The following CD46 variants were observed in gnomAD, a reference collection of about 807,000 sequenced individuals.
CD46 encodes membrane cofactor protein.
Under a neutral mutation model 53.3 loss-of-function variants are expected in CD46, and 30 were observed. The ratio of observed to expected loss-of-function variants is 0.56; its 90% CI spans 0.42 to 0.76. The LOEUF (loss-of-function observed/expected upper bound fraction) is 0.76, where lower values mean the gene tolerates loss of function less well. Ranked by LOEUF, CD46 falls within the 30% of genes least tolerant of loss-of-function variation. CD46 has a pLI of 0.00. For synonymous variants in CD46, 142 were observed against 152.0 expected (o/e 0.93, Z 0.48); for missense variants, 409 against 463.0 (o/e 0.88, Z 1.07).
chr1:207,792,250 G>C (rs1344797648), intron 12 of CD46, among the ~76,000 whole-genome samples: 1 of 152,074 alleles, frequency 6.6e-6, no homozygotes, highest in East Asian at 1.9e-4. Context: ...CTGCACTCCA[G>C]CCTGGGTGAC....
chr1:207,763,993 A>C (rs1377233638), intron 5 of CD46, among the ~76,000 whole-genome samples: 1 of 147,326 alleles, frequency 6.8e-6, no homozygotes, highest in South Asian at 2.1e-4. Context: ...CATTTGTGCC[A>C]TGTCTTCCTA....
intron 8 of CD46, among the ~76,000 whole-genome samples, chr1:207,780,883 C>G (rs958253552): frequency 2.0e-5 from 3 of 151,758 alleles, no homozygotes; most frequent in Non-Finnish European, 4.4e-5. Context: ...TGTGAGGGCC[C>G]TCTTGCTTTG....
At chr1:207,784,497 G>C (rs1349426169) in intron 9 of CD46, among the ~76,000 whole-genome samples, 1 of 152,202 alleles carries the variant, frequency 6.6e-6, no homozygotes, top group East Asian at 1.9e-4. Flanking sequence ...CCCATTAAGA[G>C]TTTCACAAGT....
intron 11 of CD46, 173 bp downstream of exon 11, chr1:207,785,855 A>G: frequency 1.7e-6 from 1 of 581,298 alleles, no homozygotes; most frequent in Non-Finnish European, 3.1e-6. Context: ...ATTTTCAGCT[A>G]CTTCTAACAT....
At chr1:207,793,182 T>TTC in intron 12 of CD46, among the ~76,000 whole-genome samples, 1 of 152,206 alleles carries the variant, frequency 6.6e-6, no homozygotes, top group Admixed American at 6.5e-5. Context: ...GCTACAGCTT[T>TTC]AAAATGGAGG....
intron 8 of CD46, 47 bp downstream of exon 8, chr1:207,770,409 T>C: frequency 7.8e-7 from 1 of 1,289,324 alleles, no homozygotes; most frequent in Non-Finnish European, 1.1e-6. Context: ...ATTTATTTAT[T>C]TATTTTTATT....
At chr1:207,775,637 G>C (rs1247997680) in intron 8 of CD46, among the ~76,000 whole-genome samples, 1 of 152,162 alleles carries the variant, frequency 6.6e-6, no homozygotes, top group African/African-American at 2.4e-5. Context: ...AGGTGTGTTG[G>C]AGTTTGCTGG....
intron 12 of CD46, among the ~76,000 whole-genome samples, chr1:207,792,566 C>T (rs1165501933): frequency 6.6e-6 from 1 of 152,104 alleles, no homozygotes; most frequent in Non-Finnish European, 1.5e-5. Context: ...TAATGGAACA[C>T]TAGGCATAAA....
At chr1:207,760,504 G>A (rs1014951078) in intron 4 of CD46, 5 of 152,188 alleles carry the variant, frequency 3.3e-5, no homozygotes, top group Non-Finnish European at 5.9e-5. Context: ...AACTAGCACC[G>A]AGTTAAGCAT....
At chr1:207,762,875 T>C (rs1656388264) in intron 5 of CD46, 1 of 152,578 alleles carries the variant, frequency 6.6e-6, no homozygotes, top group Non-Finnish European at 1.5e-5. Flanking sequence ...GGGTGTGCCA[T>C]GCCCCCCGCT....
At position 207,759,736 on chromosome 1, in the gene CD46, CTTT is replaced by C; in HGVS notation, c.475+19_475+21del. On this transcript the variant is annotated intron_variant, in intron 4 of 12. Transcript: ENST00000367042. ...CCCAATATGTGAAAGTAAGTAAATT[CTTT>C]TTTTTTAAATTTAGACCAGTAGTCC... The C allele has an allele frequency of 1.3e-6, 2 of 1,545,086 alleles. No individual in the cohort carries two copies. The highest frequency in any genetic ancestry group is 1.4e-5 in the African/African-American group (1 of 73,368).
At position 207,752,090 on chromosome 1, in the gene CD46, G is replaced by T. The variant is rs1654960206; in HGVS notation, c.-123G>T. On this transcript the variant is annotated 5_prime_UTR_variant, in exon 1 of 13. Coordinates refer to ENST00000367042, the MANE Select transcript of CD46 (RefSeq NM_172351.3). This position sits in a 1 kb window ranked among gnomAD's most constrained non-coding sequence, Gnocchi z 4.1. ...CACGCCCACCTGTCCTGCAGCACTG[G>T]ATGCTTTGTGAGTTGGGGATTGTTG... is the stretch of plus-strand genomic sequence containing the variant. 2 of 968,832 alleles carry T rather than the reference G, an allele frequency of 2.1e-6. No homozygotes were observed. The highest frequency in any genetic ancestry group is 2.4e-5 in the East Asian group (1 of 42,056). 60.0% of individuals were successfully genotyped at this position (968,832 alleles called of 1,614,324 possible).
At chr1:207,758,763 G>A (rs1362571011) in intron 3 of CD46, among the ~76,000 whole-genome samples, 1 of 152,206 alleles carries the variant, frequency 6.6e-6, no homozygotes, top group Non-Finnish European at 1.5e-5. Context: ...ATTTGGTCAA[G>A]TAGAAATATT....
chr1:207,752,353 G>C lies in CD46; in HGVS notation c.97+44G>C. 1 of 1,562,622 alleles carries C rather than the reference G, an allele frequency of 6.4e-7. No individual in the cohort carries two copies. Among genetic ancestry groups the C allele is most frequent in the Non-Finnish European group, 8.8e-7 (1 of 1,134,024 alleles). ...TTCGCGCGTCCGCGGCGAGACTAGA[G>C]CTCTCCTCAGTCGGGCAAGAGTCGC... On this transcript the variant is annotated intron_variant, in intron 1 of 12. Coordinates refer to ENST00000367042, the MANE Select transcript of CD46 (RefSeq NM_172351.3). The surrounding 1 kb of genome is among the most constrained non-coding windows in gnomAD (Gnocchi z 4.1).
At chr1:207,764,789 A>C (rs762614724) in intron 5 of CD46, among the ~76,000 whole-genome samples, 1 of 152,248 alleles carries the variant, frequency 6.6e-6, no homozygotes, top group Non-Finnish European at 1.5e-5. Context: ...ATACTCCTAT[A>C]TCTACCAAAG....
intron 12 of CD46, among the ~76,000 whole-genome samples, chr1:207,791,642 G>A (rs562801667): frequency 5.5e-4 from 83 of 152,260 alleles, no homozygotes; most frequent in African/African-American, 1.8e-3. Context: ...ATTTTTGACC[G>A]TATTTGACTA....
Position 207,785,122 on chromosome 1 carries a change from T to G in CD46, c.1018+16T>G, listed in dbSNP as rs1443200635. The G allele has an allele frequency of 1.3e-6, 2 of 1,595,902 alleles. No individual in the cohort carries two copies. The highest frequency in any genetic ancestry group is 4.5e-5 in the East Asian group (2 of 44,802). On this transcript the variant is annotated intron_variant, in intron 10 of 12. Coordinates refer to ENST00000367042, the MANE Select transcript of CD46 (RefSeq NM_172351.3). ...ATTGCCATAGGTAAGTATCACAAAT[T>G]TTGACACCACTTAAGTCAAAAAATT...
intron 11 of CD46, among the ~76,000 whole-genome samples, chr1:207,787,367 C>T (rs993059202): frequency 2.6e-5 from 4 of 152,126 alleles, no homozygotes; most frequent in African/African-American, 7.2e-5. Context: ...CCACCGCGCC[C>T]GGCCTTAATG....
At chr1:207,782,478 A>C (rs2796278) in intron 8 of CD46, among the ~76,000 whole-genome samples, 75,372 of 151,856 alleles carry the variant, frequency 0.5, 18,832 homozygotes, top group East Asian at 0.62. Context: ...AGTGGCAAAC[A>C]TGGACACCCT....
Sources: gnomAD v4.1 joint callset for allele counts (sites outside exome capture counted in the v4.1 genomes callset) on GRCh38, gnomAD v4.1.1 for gene constraint, Gnocchi (gnomAD v3.1) non-coding constraint, MANE v1.5 for transcripts, NCBI Gene and HGNC (gene_info 2026-07-23, HGNC 2026-07-21) for gene names.